The following ATP8B4 variants were observed in gnomAD, a reference collection of about 807,000 sequenced individuals.
The protein encoded by ATP8B4 is probable phospholipid-transporting ATPase IM.
A neutral mutation model predicts 145.6 loss-of-function variants in ATP8B4; 133 were observed. The observed-to-expected ratio is 0.91, with a 90% CI of 0.79 to 1.05. The LOEUF (loss-of-function observed/expected upper bound fraction) is 1.05. Ranked by LOEUF, ATP8B4 falls within the 50% of genes least tolerant of loss-of-function variation. The pLI is 0.00. For synonymous variants in ATP8B4, 507 were observed against 492.9 expected, an observed-to-expected ratio of 1.03 and a Z score of -0.38; for missense variants, 1,458 against 1,425.2, an observed-to-expected ratio of 1.02 and a Z score of -0.37.
chr15:50,163,880 T>C (rs888492314), intron 1 of ATP8B4, among the ~76,000 whole-genome samples: 5 of 152,150 alleles, frequency 3.3e-5, no homozygotes, highest in Non-Finnish European at 4.4e-5. Context: ...CCCCTTTTCT[T>C]AAGCAGAAGA....
intron 3 of ATP8B4, among the ~76,000 whole-genome samples, chr15:50,054,217 T>C (rs1055841670): frequency 1.3e-5 from 2 of 152,208 alleles, no homozygotes; most frequent in South Asian, 2.1e-4. Context: ...TTGCCCAACA[T>C]GAGTCTCCTC....
intron 14 of ATP8B4, among the ~76,000 whole-genome samples, chr15:49,958,422 G>T (rs2043775134): frequency 6.6e-6 from 1 of 151,476 alleles, no homozygotes; most frequent in South Asian, 2.1e-4. Flanking sequence ...TAAAGAAGCA[G>T]AAGTTATTGA....
At chr15:49,916,079 C>T (rs1396759867) in intron 20 of ATP8B4, among the ~76,000 whole-genome samples, 1 of 151,802 alleles carries the variant, frequency 6.6e-6, no homozygotes, top group Admixed American at 6.6e-5. Flanking sequence ...TCTGCTTGGC[C>T]AGTGTCTAAG....
intron 6 of ATP8B4, among the ~76,000 whole-genome samples, chr15:50,025,229 C>G (rs964318599): frequency 6.6e-6 from 1 of 152,228 alleles, no homozygotes; most frequent in Non-Finnish European, 1.5e-5. Flanking sequence ...CTTGACCCCT[C>G]TGCATTAGCT....
At chr15:50,089,799 T>C (rs1238703944) in intron 2 of ATP8B4, among the ~76,000 whole-genome samples, 3 of 152,084 alleles carry the variant, frequency 2.0e-5, no homozygotes, top group Non-Finnish European at 4.4e-5. Flanking sequence ...TGGAAGTCAG[T>C]ATGGCGATTC....
At chr15:49,996,324 G>T (rs1251754389) in intron 9 of ATP8B4, among the ~76,000 whole-genome samples, 2 of 152,024 alleles carry the variant, frequency 1.3e-5, no homozygotes, top group South Asian at 2.1e-4. Context: ...AAATGGATGG[G>T]TGGTTAGACC....
At position 50,117,234 on chromosome 15, in the gene ATP8B4, G is replaced by A. The variant is rs143746576; in HGVS notation, c.-43+1889C>T. 7.6e-3 allele frequency among the ~76,000 whole-genome samples: 1,159 copies of A among 152,166 alleles called. 10 individuals carry two copies. The highest frequency in any genetic ancestry group is 0.03 in the South Asian group (144 of 4,808). ...CTGGTAAATTTTTGTATTTTTAGTAGAGAGGGCGTTTCATCATGTTGGCCA... is the reference window on the plus strand; with the variant it reads ...CTGGTAAATTTTTGTATTTTTAGTAAAGAGGGCGTTTCATCATGTTGGCCA... On this transcript the variant is annotated intron_variant, in intron 1 of 27. Coordinates refer to ENST00000284509, the MANE Select transcript of ATP8B4 (RefSeq NM_024837.4).
intron 3 of ATP8B4, among the ~76,000 whole-genome samples, chr15:50,056,207 ACATT>A (rs763908427): frequency 1.3e-5 from 2 of 151,412 alleles, no homozygotes; most frequent in South Asian, 4.2e-4. Context: ...ATATCCCCCA[ACATT>A]CATTCATTCA....
chr15:49,943,939 G>C (rs568711830), intron 14 of ATP8B4, among the ~76,000 whole-genome samples: 45 of 152,274 alleles, frequency 3.0e-4, no homozygotes, highest in Admixed American at 2.2e-3. Flanking sequence ...AAAATGAACA[G>C]ATGCAAATTG....
chr15:50,155,957 A>G (rs911239300), intron 1 of ATP8B4, among the ~76,000 whole-genome samples: 2 of 150,626 alleles, frequency 1.3e-5, no homozygotes, highest in African/African-American at 4.9e-5. Context: ...TCAGTTTCAA[A>G]TGAGTTTAGG....
chr15:50,108,446 C>G (rs576596350), intron 1 of ATP8B4, among the ~76,000 whole-genome samples: 1 of 152,294 alleles, frequency 6.6e-6, no homozygotes, highest in East Asian at 1.9e-4. Flanking sequence ...CTCCTAGGAC[C>G]TTCTGCGACT....
At chr15:49,933,616 T>C (rs1376328504) in intron 15 of ATP8B4, among the ~76,000 whole-genome samples, 1 of 152,070 alleles carries the variant, frequency 6.6e-6, no homozygotes, top group African/African-American at 2.4e-5. Context: ...TCTGCATCTA[T>C]TAGATATGCA....
chr15:50,022,277 C>G (rs1217443853), intron 6 of ATP8B4, among the ~76,000 whole-genome samples: 1 of 152,098 alleles, frequency 6.6e-6, no homozygotes, highest in African/African-American at 2.4e-5. Context: ...CAGAAGCCTC[C>G]TTTGTTCCCC....
At chr15:50,009,460 TGAGATCC>T in intron 7 of ATP8B4, 1 of 253,882 alleles carries the variant, frequency 3.9e-6, no homozygotes, top group Non-Finnish European at 7.9e-6. Flanking sequence ...AACGGATTTT[TGAGATCC>T]TGTAGTGGTC....
chr15:50,004,721 T>C (rs1017431335), intron 7 of ATP8B4, among the ~76,000 whole-genome samples: 1 of 152,188 alleles, frequency 6.6e-6, no homozygotes, highest in Non-Finnish European at 1.5e-5. Flanking sequence ...CCCAGAGGGC[T>C]TCTGTAACTT....
rs2031357775 is a variant in ATP8B4, at chr15:49,860,157, G to C, written c.*37C>G. 1 of 1,562,824 alleles carries C rather than the reference G, an allele frequency of 6.4e-7. No individual in the cohort carries two copies. The highest frequency in any genetic ancestry group is 1.8e-5 in the Admixed American group (1 of 54,358). On this transcript the variant is annotated 3_prime_UTR_variant, in exon 28 of 28. Transcript: ENST00000284509. ...CAGCAGAATTTCAGCTCCACCTGAA[G>C]TGAAAAGATAACTACGTGGTTTAAA...
chr15:50,067,297 C>T (rs758433193), intron 3 of ATP8B4, among the ~76,000 whole-genome samples: 5 of 152,122 alleles, frequency 3.3e-5, no homozygotes, highest in Non-Finnish European at 7.4e-5. Flanking sequence ...GATTCCCCAG[C>T]TCCTGACAGC....
At chr15:49,972,450 T>A in intron 13 of ATP8B4, 132 bp downstream of exon 13, 1 of 744,492 alleles carries the variant, frequency 1.3e-6, no homozygotes, top group Admixed American at 2.9e-5. Flanking sequence ...ATCTATATGG[T>A]AGATGCTGAC....
Position 49,931,153 on chromosome 15 carries a change from A to G in ATP8B4, c.1608T>C (p.Asp536=), listed in dbSNP as rs1197204878. The stretch of plus-strand genomic sequence containing the variant: ...ACATCCTTTTTCTGGTGTTGTTGAA[A>G]TCCAAAAAGGCAAGTAATTGATAAG... ...LVTYQLLAFL[D]FNNTRKRMSV... Residue 536 remains aspartate (D), a synonymous_variant, in exon 16 of 28, where the codon GAT becomes GAC. Transcript: ENST00000284509. 1 of 1,611,972 alleles carries G rather than the reference A, an allele frequency of 6.2e-7. No homozygotes were observed. The highest frequency in any genetic ancestry group is 1.3e-5 in the African/African-American group (1 of 74,770).
Sources: allele counts gnomAD v4.1 joint callset (sites outside exome capture counted in the v4.1 genomes callset), GRCh38; gene constraint gnomAD v4.1.1; transcripts MANE v1.5; gene names NCBI Gene and HGNC (gene_info 2026-07-23, HGNC 2026-07-21).